Variants in SCRG1 observed in about 807,000 individuals in gnomAD.
SCRG1 encodes the protein stimulator of chondrogenesis 1, also known as scrapie-responsive protein 1.
A neutral mutation model predicts 7.7 loss-of-function variants in SCRG1; 3 were observed. That is an observed-to-expected ratio of 0.39 (90% CI 0.18 to 1.01). The LOEUF (loss-of-function observed/expected upper bound fraction) is 1.01, where lower values mean the gene tolerates loss of function less well. Ranked by LOEUF, SCRG1 falls within the 50% of genes least tolerant of loss-of-function variation. SCRG1 has a pLI of 0.36. For synonymous variants in SCRG1, 46 were observed against 41.2 expected, an observed-to-expected ratio of 1.12 and a Z score of -0.44; for missense variants, 110 against 117.2, an observed-to-expected ratio of 0.94 and a Z score of 0.28.
intron 1 of SCRG1, among the ~76,000 whole-genome samples, chr4:173,394,853 A>T (rs995403905): frequency 5.3e-5 from 8 of 152,224 alleles, no homozygotes; most frequent in African/African-American, 1.9e-4. Flanking sequence ...GCTAGAATCA[A>T]ATGGAATTCA....
At chr4:173,433,170 C>A in the SCRG1 span, among the ~76,000 whole-genome samples, 2 of 152,104 alleles carry the variant, frequency 1.3e-5, no homozygotes, top group Non-Finnish European at 2.9e-5. Context: ...TTTTTTACAG[C>A]AGCATTTAGA....
chr4:173,439,047 C>T, the SCRG1 span, among the ~76,000 whole-genome samples: 5 of 151,940 alleles, frequency 3.3e-5, no homozygotes, highest in Non-Finnish European at 7.4e-5. Context: ...CTCTTATGAG[C>T]CTCCCAGGAG....
chr4:173,391,905 G>T (rs1262404043), intron 1 of SCRG1, among the ~76,000 whole-genome samples: 2 of 151,374 alleles, frequency 1.3e-5, no homozygotes, highest in African/African-American at 2.4e-5. Flanking sequence ...GTGAGACCTT[G>T]ACACACACAC....
At chr4:173,443,312 A>T in the SCRG1 span, among the ~76,000 whole-genome samples, 5 of 152,210 alleles carry the variant, frequency 3.3e-5, no homozygotes, top group Non-Finnish European at 7.3e-5. Context: ...GTACATTTTT[A>T]TCTAGAATGA....
chr4:173,399,333 A>C (rs1739692540), upstream of SCRG1: 1 of 152,250 alleles, frequency 6.6e-6, no homozygotes, highest in Non-Finnish European at 1.5e-5. Flanking sequence ...GGCGAGAACG[A>C]ATAGAACAGC....
At chr4:173,484,872 ATATAT>A in the SCRG1 span, among the ~76,000 whole-genome samples, 34 of 75,180 alleles carry the variant, frequency 4.5e-4, no homozygotes, top group African/African-American at 1.9e-3. Flanking sequence ...TGTATATTTT[ATATAT>A]TATATATTAT....
At chr4:173,393,123 A>G (rs1739502621) in intron 1 of SCRG1, among the ~76,000 whole-genome samples, 1 of 152,132 alleles carries the variant, frequency 6.6e-6, no homozygotes, top group South Asian at 2.1e-4. Flanking sequence ...ATATTGTGCA[A>G]TGGACATTTT....
chr4:173,454,702 G>A, the SCRG1 span, among the ~76,000 whole-genome samples: 2 of 152,168 alleles, frequency 1.3e-5, no homozygotes, highest in Non-Finnish European at 2.9e-5. Flanking sequence ...GGTGTTAGGG[G>A]TCAGGTCTAG....
the SCRG1 span, among the ~76,000 whole-genome samples, chr4:173,483,260 TATC>T: frequency 1.4e-5 from 1 of 72,954 alleles, no homozygotes; most frequent in African/African-American, 5.4e-5. Flanking sequence ...ATATATGATA[TATC>T]ATATATGATA....
the SCRG1 span, among the ~76,000 whole-genome samples, chr4:173,492,248 C>T: frequency 1.3e-5 from 2 of 152,266 alleles, no homozygotes; most frequent in East Asian, 3.9e-4. Context: ...TAAAAAGTTG[C>T]TGTTTTTCCT....
chr4:173,434,600 G>A, the SCRG1 span, among the ~76,000 whole-genome samples: 1 of 152,186 alleles, frequency 6.6e-6, no homozygotes, highest in Non-Finnish European at 1.5e-5. Flanking sequence ...GGAGGCCTAG[G>A]CGGGTGGATT....
chr4:173,483,451 A>C, the SCRG1 span, among the ~76,000 whole-genome samples: 5 of 69,474 alleles, frequency 7.2e-5, 1 homozygote, highest in African/African-American at 3.8e-4. Flanking sequence ...ATATTATATC[A>C]TGATATATAT....
At chr4:173,483,301 ATATT>A in the SCRG1 span, among the ~76,000 whole-genome samples, 1 of 60,420 alleles carries the variant, frequency 1.7e-5, no homozygotes, top group Middle Eastern at 0.02. Flanking sequence ...CATATATGAT[ATATT>A]ATATATTACA....
At chr4:173,438,938 A>C in the SCRG1 span, among the ~76,000 whole-genome samples, 1 of 152,030 alleles carries the variant, frequency 6.6e-6, no homozygotes, top group Non-Finnish European at 1.5e-5. Flanking sequence ...GGACACCTAC[A>C]TGGTTTCCAA....
At chr4:173,405,703 T>G (rs941830379) in intron 1 of SCRG1, among the ~76,000 whole-genome samples, 4 of 152,226 alleles carry the variant, frequency 2.6e-5, no homozygotes, top group African/African-American at 9.6e-5. Flanking sequence ...GCTTTTGCCT[T>G]TAGGGGCTCC....
chr4:173,472,467 G>A, the SCRG1 span, among the ~76,000 whole-genome samples: 1 of 152,206 alleles, frequency 6.6e-6, no homozygotes, highest in African/African-American at 2.4e-5. Flanking sequence ...GAAGTCCCCA[G>A]ATCTGCAGTC....
chr4:173,477,405 C>T, the SCRG1 span, among the ~76,000 whole-genome samples: 1 of 152,108 alleles, frequency 6.6e-6, no homozygotes. Context: ...CTTCTCTTTC[C>T]TATTAGGTAA....
the SCRG1 span, among the ~76,000 whole-genome samples, chr4:173,479,401 A>C: frequency 6.6e-6 from 1 of 152,058 alleles, no homozygotes; most frequent in Non-Finnish European, 1.5e-5. Flanking sequence ...TCCTTATTAA[A>C]ATTAAAAGCA....
At chr4:173,405,091 C>T (rs550038510) in intron 1 of SCRG1, among the ~76,000 whole-genome samples, 5 of 152,148 alleles carry the variant, frequency 3.3e-5, no homozygotes, top group South Asian at 4.1e-4. Context: ...TTTTCTGTTG[C>T]GGGATCCCCT....
Sources: gnomAD v4.1 joint callset for allele counts (sites outside exome capture counted in the v4.1 genomes callset) on GRCh38, gnomAD v4.1.1 for gene constraint, MANE v1.5 for transcripts, NCBI Gene and HGNC (gene_info 2026-07-23, HGNC 2026-07-21) for gene names.